Variants in RNF125 observed in about 807,000 individuals in gnomAD.
RNF125 encodes E3 ubiquitin-protein ligase RNF125.
RNF125 carries 21 observed loss-of-function variants against 26.0 expected under a neutral mutation model. The ratio of observed to expected loss-of-function variants is 0.81; its 90% CI spans 0.57 to 1.16. The LOEUF is 1.16. Ranked by LOEUF, RNF125 falls within the 50% of genes most tolerant of loss-of-function variation. RNF125 has a pLI of 0.00. For synonymous variants in RNF125, 95 were observed against 109.2 expected (o/e 0.87, Z 0.81); for missense variants, 270 against 299.4 (o/e 0.90, Z 0.72).
chr18:32,027,007 T>A (rs913469340), intron 1 of RNF125, among the ~76,000 whole-genome samples: 5 of 152,248 alleles, frequency 3.3e-5, no homozygotes, highest in Admixed American at 3.3e-4. Flanking sequence ...AACAGCTGGA[T>A]GAGAGGCTTA....
intron 1 of RNF125, among the ~76,000 whole-genome samples, chr18:32,025,284 T>G (rs1343449473): frequency 6.6e-6 from 1 of 151,690 alleles, no homozygotes; most frequent in African/African-American, 2.4e-5. Context: ...GCCAGAGAGA[T>G]TAGGAAGTTT....
intron 1 of RNF125, among the ~76,000 whole-genome samples, chr18:32,019,726 G>T (rs1236175299): frequency 6.6e-6 from 1 of 152,132 alleles, no homozygotes; most frequent in Non-Finnish European, 1.5e-5. Flanking sequence ...TAGCCGCCAA[G>T]CCCCTGAATG....
chr18:32,027,464 C>A (rs111754185), intron 1 of RNF125, among the ~76,000 whole-genome samples: 1 of 152,018 alleles, frequency 6.6e-6, no homozygotes, highest in African/African-American at 2.4e-5. Context: ...ATTTTAAAAG[C>A]GATTGAAACC....
At chr18:32,080,014 C>T in the RNF125 span, among the ~76,000 whole-genome samples, 1 of 151,956 alleles carries the variant, frequency 6.6e-6, no homozygotes, top group Non-Finnish European at 1.5e-5. Context: ...CTCTTATATC[C>T]ACTATGTTTT....
chr18:32,065,539 T>G (rs2039476294), intron 4 of RNF125, among the ~76,000 whole-genome samples: 1 of 151,812 alleles, frequency 6.6e-6, no homozygotes, highest in Non-Finnish European at 1.5e-5. Context: ...CCCCGTCTTG[T>G]TTTGTTTTTT....
chr18:32,044,542 A>ATTTTTTTTTTTTTT, intron 3 of RNF125, among the ~76,000 whole-genome samples: 1 of 151,540 alleles, frequency 6.6e-6, no homozygotes, highest in Non-Finnish European at 1.5e-5. Flanking sequence ...GCAAATCTGA[A>ATTTTTTTTTTTTTT]TTTTTTTATT....
intron 2 of RNF125, 94 bp downstream of exon 2, chr18:32,037,363 CCTTT>C: frequency 3.2e-6 from 1 of 314,362 alleles, no homozygotes; most frequent in South Asian, 5.9e-5. Flanking sequence ...ATGGTACGCA[CCTTT>C]TTTTTTTTTT....
At chr18:32,066,147 A>C (rs914105973) in intron 5 of RNF125, 138 bp downstream of exon 5, 1 of 580,822 alleles carries the variant, frequency 1.7e-6, no homozygotes, top group Admixed American at 3.0e-5. Flanking sequence ...TAAGTAAGAA[A>C]TCATGAAAAT....
intron 4 of RNF125, among the ~76,000 whole-genome samples, chr18:32,047,864 C>T (rs1480989315): frequency 6.6e-6 from 1 of 152,158 alleles, no homozygotes; most frequent in African/African-American, 2.4e-5. Context: ...CAGTGGCTCA[C>T]ACCTGTAATC....
chr18:32,032,835 CAG>C (rs1374520902), intron 1 of RNF125, among the ~76,000 whole-genome samples: 1 of 151,794 alleles, frequency 6.6e-6, no homozygotes, highest in Non-Finnish European at 1.5e-5. Flanking sequence ...GCCTGGGCGA[CAG>C]AGCAAGACAT....
chr18:32,025,117 A>G (rs2039020947), intron 1 of RNF125, among the ~76,000 whole-genome samples: 1 of 152,142 alleles, frequency 6.6e-6, no homozygotes, highest in Non-Finnish European at 1.5e-5. Context: ...AGATTACTAA[A>G]GTCATATGAA....
rs138588225 is a variant in RNF125, at chr18:32,056,435, A to G, written c.505-9467A>G. Among the ~76,000 whole-genome samples the G allele has an allele frequency of 6.7e-3, 1,013 of 151,986 alleles. 6 individuals are homozygous for G. Among genetic ancestry groups the G allele is most frequent in the Non-Finnish European group, 9.8e-3 (663 of 67,974 alleles). ...GAGACCAGCCTGACCAATATAGAGAAACCACCCCCCATGTCTACTAAAAAT... is the reference window on the plus strand; with the variant it reads ...GAGACCAGCCTGACCAATATAGAGAGACCACCCCCCATGTCTACTAAAAAT... On this transcript the variant is annotated intron_variant, in intron 4 of 5. Coordinates refer to ENST00000217740, the MANE Select transcript of RNF125 (RefSeq NM_017831.4).
rs1371124315 is a variant in RNF125, at chr18:32,072,667, A to G, written c.*4283A>G. On this transcript the variant is annotated 3_prime_UTR_variant, in exon 6 of 6. Coordinates refer to ENST00000217740, the MANE Select transcript of RNF125 (RefSeq NM_017831.4). The stretch of plus-strand genomic sequence containing the variant: ...TTTGGCCTTTTATAAAAAGGTATTT[A>G]TAATTCGTTGATAAAAACCAATATT... 3 of 152,262 alleles carry G rather than the reference A, an allele frequency of 2.0e-5. No individual in the cohort carries two copies. Among genetic ancestry groups the G allele is most frequent in the African/African-American group, 7.2e-5 (3 of 41,474 alleles). The allele number at this position is 152,262 out of a possible 1,614,324, so 9.4% of individuals were successfully genotyped here.
rs560214730 is a variant in RNF125 at position 32,071,437 on chromosome 18, G to C, written c.*3053G>C. On this transcript the variant is annotated 3_prime_UTR_variant, in exon 6 of 6. Transcript: ENST00000217740. ...GTGTGTGCCACCGCGCCAGGCAATT[G>C]CCCCCAGTTTTTATTTGATGGCTCT... is the stretch of plus-strand genomic sequence containing the variant. 4.6e-5 allele frequency: 7 copies of C among 152,178 alleles called. No homozygotes were observed. Among genetic ancestry groups the C allele is most frequent in the African/African-American group, 1.7e-4 (7 of 41,516 alleles). 9.4% of individuals were successfully genotyped at this position (152,178 alleles called of 1,614,324 possible). A position where few individuals can be genotyped will look rare whatever the true frequency, so the allele number is the denominator to read the frequency against.
At chr18:32,033,818 TCAAACAAA>T (rs111827492) in intron 1 of RNF125, among the ~76,000 whole-genome samples, 17 of 151,378 alleles carry the variant, frequency 1.1e-4, no homozygotes, top group African/African-American at 3.4e-4. Context: ...AAATTTCATC[TCAAACAAA>T]CAAACAAACA....
chr18:32,032,155 C>T (rs2144449650), intron 1 of RNF125, among the ~76,000 whole-genome samples: 1 of 152,332 alleles, frequency 6.6e-6, no homozygotes, highest in East Asian at 1.9e-4. Flanking sequence ...TGGCTCACTG[C>T]ATCCTCCGCC....
intron 4 of RNF125, among the ~76,000 whole-genome samples, chr18:32,054,518 G>A (rs2039361525): frequency 6.6e-6 from 1 of 152,150 alleles, no homozygotes; most frequent in Non-Finnish European, 1.5e-5. Context: ...TAATAGTGAT[G>A]CATGAGAGTG....
At chr18:32,080,382 A>G in the RNF125 span, among the ~76,000 whole-genome samples, 5 of 152,182 alleles carry the variant, frequency 3.3e-5, no homozygotes, top group Non-Finnish European at 7.3e-5. Context: ...TGCCTTTGAA[A>G]CACTCTTACT....
chr18:32,040,348 T>G (rs2039205039), intron 2 of RNF125, among the ~76,000 whole-genome samples: 1 of 144,936 alleles, frequency 6.9e-6, no homozygotes, highest in Non-Finnish European at 1.5e-5. Context: ...CTCAGCTCAC[T>G]GCAACCTCTG....
Sources: gnomAD v4.1 joint callset for allele counts (sites outside exome capture counted in the v4.1 genomes callset) on GRCh38, gnomAD v4.1.1 for gene constraint, MANE v1.5 for transcripts, NCBI Gene and HGNC (gene_info 2026-07-23, HGNC 2026-07-21) for gene names.